Variants in CEP112 observed in about 807,000 individuals in gnomAD.
CEP112 encodes the protein centrosomal protein 112, also known as centrosomal protein of 112 kDa.
In CEP112, 127 loss-of-function variants were observed where a neutral mutation model predicts 153.0. That is an observed-to-expected ratio of 0.83 (90% CI 0.72 to 0.96). The LOEUF is 0.96. Among genes scored for constraint, CEP112 ranks in the 40% least tolerant of loss-of-function variants. The pLI is 0.00. For missense variants in CEP112, 1,089 were observed against 1,101.2 expected, an observed-to-expected ratio of 0.99 and a Z score of 0.16; for synonymous variants, 358 against 374.4, an observed-to-expected ratio of 0.96 and a Z score of 0.51.
intron 17 of CEP112, among the ~76,000 whole-genome samples, chr17:65,971,661 CATGTAT>C (rs1283478288): frequency 4.9e-5 from 6 of 122,102 alleles, no homozygotes; most frequent in African/African-American, 1.3e-4. Flanking sequence ...ATGTCACATG[CATGTAT>C]GTTACATGCA....
intron 22 of CEP112, among the ~76,000 whole-genome samples, chr17:65,743,697 CTT>C (rs2051264949): frequency 6.6e-6 from 1 of 151,940 alleles, no homozygotes; most frequent in Non-Finnish European, 1.5e-5. Context: ...GTGTTTAACA[CTT>C]TAAGTTCTTA....
rs986840760 is a variant in CEP112 at position 65,920,217 on chromosome 17, C to T, written c.1980+7365G>A. Among the ~76,000 whole-genome samples the T allele has an allele frequency of 2.0e-5, 3 of 150,112 alleles. No homozygotes were observed. In the East Asian group the frequency reaches 5.9e-4, roughly 30 times the overall value. ...AAAATTAGCCAGGAGTGGTGGCGTACCACGTGTAATCCCAGCTACTTGGGA... is the reference window on the plus strand; with the variant it reads ...AAAATTAGCCAGGAGTGGTGGCGTATCACGTGTAATCCCAGCTACTTGGGA... On this transcript the variant is annotated intron_variant, in intron 19 of 26. Transcript: ENST00000535342.
chr17:66,122,836 T>G (rs913870366), intron 6 of CEP112, among the ~76,000 whole-genome samples: 1 of 152,156 alleles, frequency 6.6e-6, no homozygotes, highest in Admixed American at 6.5e-5. Flanking sequence ...TCTCTGTCCC[T>G]GGTTCTCTCT....
intron 24 of CEP112, among the ~76,000 whole-genome samples, chr17:65,680,598 T>C (rs1044184120): frequency 3.3e-5 from 5 of 152,132 alleles, no homozygotes; most frequent in Non-Finnish European, 7.3e-5. Context: ...CAGTCCCAGC[T>C]CAGGTCCCAC....
intron 24 of CEP112, among the ~76,000 whole-genome samples, chr17:65,651,858 A>G (rs1167488808): frequency 6.6e-6 from 1 of 152,000 alleles, no homozygotes; most frequent in Non-Finnish European, 1.5e-5. Flanking sequence ...CACCACCACT[A>G]CACCCAGCTA....
intron 17 of CEP112, among the ~76,000 whole-genome samples, chr17:65,975,610 T>C (rs1394635380): frequency 6.6e-6 from 1 of 152,122 alleles, no homozygotes; most frequent in East Asian, 1.9e-4. Context: ...ATACTGAAAA[T>C]CATGAACTAT....
intron 4 of CEP112, among the ~76,000 whole-genome samples, chr17:66,143,615 C>T (rs1308661142): frequency 6.6e-6 from 1 of 152,152 alleles, no homozygotes; most frequent in Admixed American, 6.5e-5. Flanking sequence ...ATTCGATACA[C>T]AGAAAGGTGC....
intron 21 of CEP112, among the ~76,000 whole-genome samples, chr17:65,820,284 G>C (rs1280980854): frequency 6.6e-6 from 1 of 151,836 alleles, no homozygotes; most frequent in Non-Finnish European, 1.5e-5. Context: ...TTCCATAAAA[G>C]ATCCCGCTTC....
At chr17:65,783,192 T>C (rs546101002) in intron 21 of CEP112, among the ~76,000 whole-genome samples, 1 of 152,244 alleles carries the variant, frequency 6.6e-6, no homozygotes, top group South Asian at 2.1e-4. Flanking sequence ...TTAACATCAT[T>C]AGTCATTAAA....
intron 6 of CEP112, among the ~76,000 whole-genome samples, chr17:66,123,700 C>G (rs566645536): frequency 1.3e-5 from 2 of 152,154 alleles, no homozygotes; most frequent in Non-Finnish European, 2.9e-5. Flanking sequence ...CCAATGAAAC[C>G]TACTTGGGCT....
intron 8 of CEP112, among the ~76,000 whole-genome samples, chr17:66,080,944 T>C (rs1325509516): frequency 6.6e-6 from 1 of 150,856 alleles, no homozygotes; most frequent in Non-Finnish European, 1.5e-5. Context: ...TTCTTACTCA[T>C]AAGTGGGAGT....
chr17:65,784,573 C>A (rs372716282), intron 21 of CEP112, among the ~76,000 whole-genome samples: 1 of 152,076 alleles, frequency 6.6e-6, no homozygotes, highest in Non-Finnish European at 1.5e-5. Flanking sequence ...CTCTGCCTCC[C>A]GGGTTCACGC....
At chr17:65,759,763 AT>A (rs1480003117) in intron 21 of CEP112, among the ~76,000 whole-genome samples, 1 of 152,166 alleles carries the variant, frequency 6.6e-6, no homozygotes, top group African/African-American at 2.4e-5. Context: ...TTGTTCTTTG[AT>A]TTATTTAATT....
At chr17:65,740,197 T>C (rs940170537) in intron 23 of CEP112, among the ~76,000 whole-genome samples, 4 of 152,170 alleles carry the variant, frequency 2.6e-5, no homozygotes, top group Non-Finnish European at 4.4e-5. Flanking sequence ...TCATTTCCTA[T>C]AGTGCACAGT....
chr17:66,094,399 T>C (rs1392293240), intron 8 of CEP112, among the ~76,000 whole-genome samples: 1 of 152,002 alleles, frequency 6.6e-6, no homozygotes, highest in Non-Finnish European at 1.5e-5. Flanking sequence ...GAACACACAA[T>C]GGGGAAAGAC....
chr17:66,055,438 G>A (rs905362692), intron 11 of CEP112, among the ~76,000 whole-genome samples: 4 of 152,168 alleles, frequency 2.6e-5, no homozygotes, highest in Non-Finnish European at 5.9e-5. Context: ...GTTCAAAAGT[G>A]AGTCACATAG....
chr17:65,715,521 G>T (rs1013955159), intron 23 of CEP112, among the ~76,000 whole-genome samples: 1 of 151,858 alleles, frequency 6.6e-6, no homozygotes, highest in Non-Finnish European at 1.5e-5. Context: ...TGTGATCTCG[G>T]CTCACTGCAA....
At chr17:65,801,008 A>G (rs1343176592) in intron 21 of CEP112, among the ~76,000 whole-genome samples, 1 of 152,114 alleles carries the variant, frequency 6.6e-6, no homozygotes, top group African/African-American at 2.4e-5. Flanking sequence ...ATAGTCTATT[A>G]GGTTTTTATC....
At chr17:65,874,976 G>T (rs1228760097) in intron 20 of CEP112, among the ~76,000 whole-genome samples, 1 of 152,012 alleles carries the variant, frequency 6.6e-6, no homozygotes, top group East Asian at 1.9e-4. Context: ...ACTTATCCTT[G>T]TCTTCTTAAC....
Sources: allele counts gnomAD v4.1 joint callset (sites outside exome capture counted in the v4.1 genomes callset), GRCh38; gene constraint gnomAD v4.1.1; transcripts MANE v1.5; gene names NCBI Gene and HGNC (gene_info 2026-07-23, HGNC 2026-07-21).